The following HNF4G variants were observed in gnomAD, a reference collection of about 807,000 sequenced individuals.
HNF4G encodes hepatocyte nuclear factor 4 gamma, also known as hepatocyte nuclear factor 4-gamma.
HNF4G carries 21 observed loss-of-function variants against 50.9 expected under a neutral mutation model. The observed-to-expected ratio is 0.41, with a 90% CI of 0.29 to 0.59. The LOEUF is 0.59. Among genes scored for constraint, HNF4G ranks in the 20% least tolerant of loss-of-function variants. The pLI, the probability that HNF4G is intolerant of heterozygous loss-of-function variation, is 0.26. For synonymous variants in HNF4G, 198 were observed against 185.6 expected (o/e 1.07, Z -0.54); for missense variants, 527 against 559.4 (o/e 0.94, Z 0.58).
chr8:75,475,157 A>G (rs1812213739), intron 1 of HNF4G, among the ~76,000 whole-genome samples: 1 of 150,730 alleles, frequency 6.6e-6, no homozygotes, highest in South Asian at 2.1e-4. Flanking sequence ...CTACTGGTAC[A>G]TGCCAACACG....
chr8:75,461,919 TA>T lies in HNF4G; in HGVS notation c.-143-28169del, dbSNP rs1212402033. 2.0e-5 allele frequency among the ~76,000 whole-genome samples: 3 copies of T among 146,722 alleles called. No individual in the cohort carries two copies. In the East Asian group the frequency reaches 5.9e-4, roughly 29 times the overall value. Reference sequence around the variant, plus strand: ...ATATATAAATATAAATATATATATATATATATATATTTTTTTAGATGGAGTT... The same window carrying T: ...ATATATAAATATAAATATATATATATTATATATATTTTTTTAGATGGAGTT... On this transcript the variant is annotated intron_variant, in intron 1 of 10. Transcript: ENST00000354370.
At chr8:75,413,760 G>A (rs1345631727) in intron 1 of HNF4G, among the ~76,000 whole-genome samples, 1 of 152,084 alleles carries the variant, frequency 6.6e-6, no homozygotes, top group African/African-American at 2.4e-5. Flanking sequence ...GGGAGGCTGA[G>A]GCAGGAGAAT....
At chr8:75,528,140 A>G (rs1296782475) in intron 2 of HNF4G, among the ~76,000 whole-genome samples, 4 of 152,204 alleles carry the variant, frequency 2.6e-5, no homozygotes, top group African/African-American at 4.8e-5. Flanking sequence ...AAGTGATAAT[A>G]TATGAGTGGC....
chr8:75,466,580 C>T (rs1455587230), intron 1 of HNF4G, among the ~76,000 whole-genome samples: 1 of 88,184 alleles, frequency 1.1e-5, no homozygotes, highest in Non-Finnish European at 2.4e-5. Context: ...CTCCTTCCTT[C>T]CTTCCTTCCT....
intron 5 of HNF4G, 63 bp downstream of exon 5, chr8:75,553,260 T>A: frequency 7.4e-7 from 1 of 1,353,370 alleles, no homozygotes; most frequent in Non-Finnish European, 1.0e-6. Flanking sequence ...AAGTTTATGT[T>A]CTTTCCATAT....
chr8:75,524,292 G>C lies in HNF4G; in HGVS notation c.-23-19519G>C, dbSNP rs374167037. Among the ~76,000 whole-genome samples the C allele has an allele frequency of 5.9e-5, 9 of 152,202 alleles. No homozygotes were observed. In the South Asian group the frequency reaches 1.0e-3, roughly 18 times the overall value. ...TAACTACGCAAAGTTATAATGTAAA[G>C]AATTTCTTTGAATTTGGGAGGCATA... On this transcript the variant is annotated intron_variant, in intron 2 of 10. Transcript: ENST00000354370.
chr8:75,472,500 G>A (rs1241286278), intron 1 of HNF4G, among the ~76,000 whole-genome samples: 1 of 152,180 alleles, frequency 6.6e-6, no homozygotes, highest in African/African-American at 2.4e-5. Flanking sequence ...AAGCTCGTGA[G>A]GCTGGGAAGT....
chr8:75,490,565 T>G (rs1812603218), intron 2 of HNF4G, among the ~76,000 whole-genome samples: 1 of 152,190 alleles, frequency 6.6e-6, no homozygotes, highest in Non-Finnish European at 1.5e-5. Flanking sequence ...GAACATTTAT[T>G]TAATGATGGG....
At chr8:75,468,959 A>G (rs554085595) in intron 1 of HNF4G, among the ~76,000 whole-genome samples, 9 of 151,844 alleles carry the variant, frequency 5.9e-5, no homozygotes, top group African/African-American at 1.9e-4. Context: ...TTAGTTAGCT[A>G]TTGCTACAAA....
At chr8:75,509,407 A>G (rs1280123426) in intron 2 of HNF4G, among the ~76,000 whole-genome samples, 5 of 152,212 alleles carry the variant, frequency 3.3e-5, no homozygotes, top group Non-Finnish European at 5.9e-5. Context: ...TGGGGAGACT[A>G]ACAGGAATTC....
chr8:75,412,717 G>GA (rs1810529731), intron 1 of HNF4G, among the ~76,000 whole-genome samples: 1 of 149,920 alleles, frequency 6.7e-6, no homozygotes, highest in Admixed American at 6.6e-5. Context: ...CTGTGTTTTA[G>GA]AATTTTTTTT....
At chr8:75,546,526 T>TC (rs1325471321) in intron 2 of HNF4G, among the ~76,000 whole-genome samples, 1 of 152,014 alleles carries the variant, frequency 6.6e-6, no homozygotes, top group African/African-American at 2.4e-5. Context: ...CCCAACTCCC[T>TC]CCCCAACAAT....
chr8:75,458,929 C>T (rs1374109265), intron 1 of HNF4G, among the ~76,000 whole-genome samples: 2 of 152,178 alleles, frequency 1.3e-5, no homozygotes, highest in East Asian at 1.9e-4. Flanking sequence ...TAATAATGTA[C>T]ATTTTTAAAG....
chr8:75,412,094 C>G (rs961404606), intron 1 of HNF4G, among the ~76,000 whole-genome samples: 1 of 152,126 alleles, frequency 6.6e-6, no homozygotes. Flanking sequence ...ACACAAAGTA[C>G]TTATAACTTC....
intron 1 of HNF4G, among the ~76,000 whole-genome samples, chr8:75,486,745 T>C (rs1221638288): frequency 6.6e-6 from 1 of 152,232 alleles, no homozygotes; most frequent in Non-Finnish European, 1.5e-5. Flanking sequence ...GGCTCATGCC[T>C]GTAATCCCAG....
chr8:75,536,529 A>C (rs1395224350), upstream of HNF4G, among the ~76,000 whole-genome samples: 2 of 152,232 alleles, frequency 1.3e-5, no homozygotes, highest in East Asian at 1.9e-4. Flanking sequence ...TGAAGCCATC[A>C]TGAAAGGCTG....
intron 5 of HNF4G, 52 bp from the exon 6 acceptor site, chr8:75,555,930 T>C: frequency 9.8e-7 from 1 of 1,019,820 alleles, no homozygotes; most frequent in East Asian, 2.6e-5. Context: ...CATGTCATCT[T>C]TTAATCATTA....
intron 2 of HNF4G, chr8:75,495,260 A>T (rs936251167): frequency 6.6e-6 from 1 of 152,194 alleles, no homozygotes; most frequent in Non-Finnish European, 1.5e-5. Context: ...ACTTTAATAC[A>T]GGTGTAATAT....
At chr8:75,415,584 A>T (rs1810614974) in intron 1 of HNF4G, among the ~76,000 whole-genome samples, 1 of 152,224 alleles carries the variant, frequency 6.6e-6, no homozygotes, top group African/African-American at 2.4e-5. Flanking sequence ...AGTTATACTA[A>T]GAATTGAGCA....
Sources: gnomAD v4.1 joint callset for allele counts (sites outside exome capture counted in the v4.1 genomes callset) on GRCh38, gnomAD v4.1.1 for gene constraint, MANE v1.5 for transcripts, NCBI Gene and HGNC (gene_info 2026-07-23, HGNC 2026-07-21) for gene names.